Variants in PRKN observed in about 807,000 individuals in gnomAD.
The protein encoded by PRKN is E3 ubiquitin-protein ligase parkin.
PRKN carries 56 observed loss-of-function variants against 59.5 expected under a neutral mutation model. That is an observed-to-expected ratio of 0.94 (90% CI 0.76 to 1.18). The LOEUF (loss-of-function observed/expected upper bound fraction) is 1.18, where lower values mean the gene tolerates loss of function less well. Ranked by LOEUF, PRKN falls within the 50% of genes most tolerant of loss-of-function variation. The pLI is 0.00. For missense variants in PRKN, 657 were observed against 596.4 expected, an observed-to-expected ratio of 1.10 and a Z score of -1.06; for synonymous variants, 250 against 222.1, an observed-to-expected ratio of 1.13 and a Z score of -1.12.
At chr6:161,887,280 C>G (rs1795189171) in intron 6 of PRKN, among the ~76,000 whole-genome samples, 1 of 152,136 alleles carries the variant, frequency 6.6e-6, no homozygotes, top group African/African-American at 2.4e-5. Context: ...GAAGAGTATT[C>G]ACTCAATGTA....
intron 1 of PRKN, among the ~76,000 whole-genome samples, chr6:162,553,557 A>AAAAAAAAC (rs1554242558): frequency 3.6e-5 from 5 of 138,664 alleles, no homozygotes; most frequent in Admixed American, 7.3e-5. Context: ...AAAAAAAAAA[A>AAAAAAAAC]CACCCTAAAG....
At chr6:161,973,873 C>T (rs1051703534) in intron 5 of PRKN, among the ~76,000 whole-genome samples, 4 of 152,304 alleles carry the variant, frequency 2.6e-5, no homozygotes, top group Non-Finnish European at 5.9e-5. Context: ...TGCTTTTTCT[C>T]CAGTATCACT....
intron 5 of PRKN, among the ~76,000 whole-genome samples, chr6:162,004,073 C>T (rs1012151324): frequency 6.6e-6 from 1 of 152,144 alleles, no homozygotes; most frequent in African/African-American, 2.4e-5. Flanking sequence ...TGTATCCCCA[C>T]CCAAATCTCA....
At chr6:162,273,737 TACTC>T (rs1245866865) in intron 2 of PRKN, among the ~76,000 whole-genome samples, 1 of 152,170 alleles carries the variant, frequency 6.6e-6, no homozygotes, top group African/African-American at 2.4e-5. Flanking sequence ...GAGGGGAAAT[TACTC>T]ACCTATCCAG....
chr6:162,127,241 A>T (rs907821185), intron 4 of PRKN, among the ~76,000 whole-genome samples: 1 of 152,252 alleles, frequency 6.6e-6, no homozygotes, highest in East Asian at 1.9e-4. Context: ...TACCTGCCTA[A>T]TGCACTCAAT....
intron 5 of PRKN, among the ~76,000 whole-genome samples, chr6:162,029,556 T>C (rs1000697295): frequency 1.3e-5 from 2 of 152,172 alleles, no homozygotes; most frequent in African/African-American, 4.8e-5. Context: ...CGCACTCTAG[T>C]TCATCCATGC....
intron 2 of PRKN, among the ~76,000 whole-genome samples, chr6:162,325,325 T>C (rs1027384571): frequency 1.8e-4 from 27 of 152,296 alleles, no homozygotes; most frequent in African/African-American, 6.5e-4. Flanking sequence ...CTATTGACTA[T>C]CCTCGTTTCC....
intron 1 of PRKN, among the ~76,000 whole-genome samples, chr6:162,531,679 G>T (rs1454119897): frequency 1.3e-5 from 2 of 152,140 alleles, no homozygotes; most frequent in Non-Finnish European, 2.9e-5. Flanking sequence ...TTTAGGGAGG[G>T]TCAGAATCTT....
At chr6:162,272,999 GAAAAAAAAAAAA>G (rs548215878) in intron 2 of PRKN, among the ~76,000 whole-genome samples, 3 of 55,024 alleles carry the variant, frequency 5.5e-5, no homozygotes, top group African/African-American at 2.0e-4. Flanking sequence ...GCCTGTGTCT[GAAAAAAAAAAAA>G]AAAAAAAAGG....
Position 161,695,371 on chromosome 6 carries a change from C to G in PRKN, c.871+90401G>C, listed in dbSNP as rs114115499. Among the ~76,000 whole-genome samples, 866 of 152,210 alleles carry G rather than the reference C, an allele frequency of 5.7e-3. 12 individuals carry two copies. The highest frequency in any genetic ancestry group is 0.02 in the African/African-American group (820 of 41,530). Reference sequence around the variant, plus strand: ...CAGTTTTGATCTAATAATGTCCAGTCCAGGGGTAAATGGGGTTCTTCCGCT... The same window carrying G: ...CAGTTTTGATCTAATAATGTCCAGTGCAGGGGTAAATGGGGTTCTTCCGCT... On this transcript the variant is annotated intron_variant, in intron 7 of 11. Transcript: ENST00000366898.
chr6:162,134,276 T>C (rs1201309116), intron 4 of PRKN, among the ~76,000 whole-genome samples: 3 of 152,138 alleles, frequency 2.0e-5, no homozygotes, highest in Admixed American at 2.0e-4. Flanking sequence ...ACAATGTCAA[T>C]AAAATCATTT....
chr6:161,815,116 C>A (rs1249990268), intron 6 of PRKN, among the ~76,000 whole-genome samples: 3 of 152,234 alleles, frequency 2.0e-5, no homozygotes, highest in Admixed American at 6.5e-5. Flanking sequence ...ATCCCCAATT[C>A]ATTGCTGCAG....
At chr6:162,358,218 T>C (rs1270066653) in intron 2 of PRKN, among the ~76,000 whole-genome samples, 2 of 152,242 alleles carry the variant, frequency 1.3e-5, no homozygotes, top group Admixed American at 1.3e-4. Context: ...ACAATTTGTC[T>C]GTAATCCTAA....
chr6:162,451,151 C>T (rs1029770412), intron 1 of PRKN, among the ~76,000 whole-genome samples: 1 of 151,938 alleles, frequency 6.6e-6, no homozygotes, highest in African/African-American at 2.4e-5. Context: ...CCAAGGGTCA[C>T]TGGAGAAAAA....
rs562287924 is a variant in PRKN at position 162,170,709 on chromosome 6, G to A, written c.534+30422C>T. Reference sequence around the variant, plus strand: ...TTTTTAGATGCTGGTCACGATTAATGCTGGAAACAACGTTAGTGACAGTTC... The same window carrying A: ...TTTTTAGATGCTGGTCACGATTAATACTGGAAACAACGTTAGTGACAGTTC... On this transcript the variant is annotated intron_variant, in intron 4 of 11. Transcript: ENST00000366898. Among the ~76,000 whole-genome samples the A allele has an allele frequency of 3.9e-5, 6 of 152,238 alleles. 1 individual carries two copies. The South Asian group carries it at 1.0e-3, about 26-fold the overall frequency.
intron 4 of PRKN, among the ~76,000 whole-genome samples, chr6:162,149,921 C>T (rs1220296928): frequency 6.6e-6 from 1 of 152,124 alleles, no homozygotes; most frequent in Non-Finnish European, 1.5e-5. Context: ...TAAATAAACC[C>T]CCATGAATGA....
rs1779665568 is a variant in PRKN, at chr6:161,943,889, G to GAGGAAGCA, written c.734+29412_734+29413insTGCTTCCT. Among the ~76,000 whole-genome samples the GAGGAAGCA allele has an allele frequency of 1.2e-4, 8 of 67,014 alleles. 1 individual carries two copies. In the South Asian group the frequency reaches 1.8e-3, roughly 15 times the overall value. 44.0% of individuals were successfully genotyped at this position (67,014 alleles called of 152,430 possible). On this transcript the variant is annotated intron_variant, in intron 6 of 11. Coordinates refer to ENST00000366898, the MANE Select transcript of PRKN (RefSeq NM_004562.3). ...GCCTGAGGAAGCAGCCTGAGGGATT[G>GAGGAAGCA]GCCTGAGGATGCAGCCTGAGGGATC...
intron 2 of PRKN, among the ~76,000 whole-genome samples, chr6:162,286,370 A>C (rs1781193045): frequency 6.6e-6 from 1 of 152,090 alleles, no homozygotes; most frequent in South Asian, 2.1e-4. Context: ...GAAATCAATC[A>C]TTCCTTTGTG....
intron 1 of PRKN, among the ~76,000 whole-genome samples, chr6:162,553,765 G>C (rs1779427209): frequency 1.6e-5 from 2 of 128,750 alleles, no homozygotes; most frequent in Non-Finnish European, 3.2e-5. Context: ...TTGCATCACT[G>C]TACTCCAGTA....
Sources: allele counts gnomAD v4.1 joint callset (sites outside exome capture counted in the v4.1 genomes callset), GRCh38; gene constraint gnomAD v4.1.1; transcripts MANE v1.5; gene names NCBI Gene and HGNC (gene_info 2026-07-23, HGNC 2026-07-21).